Variants in OR8B2 observed in about 807,000 individuals in gnomAD.
OR8B2 encodes the protein olfactory receptor family 8 subfamily B member 2, also known as olfactory receptor 8B2.
For missense variants in OR8B2, 304 were observed against 379.6 expected, an observed-to-expected ratio of 0.80 and a Z score of 1.65; for synonymous variants, 98 against 138.2, an observed-to-expected ratio of 0.71 and a Z score of 2.04.
chr11:124,394,956 C>T, the OR8B2 span, among the ~76,000 whole-genome samples: 1 of 152,096 alleles, frequency 6.6e-6, no homozygotes, highest in African/African-American at 2.4e-5. Flanking sequence ...AATCCCAGCA[C>T]TTTGGGAGGA....
rs1860623566 is a variant in OR8B2 at position 124,382,929 on chromosome 11, G to C, written c.415C>G (p.Gln139Glu). The change falls in exon 2 of 2, where the codon CAG becomes GAG. Residue 139 changes from glutamine to glutamate, a missense_variant. By Grantham distance (29) the Gln-to-Glu change is conservative. Transcript: ENST00000641451. Reference sequence around the variant, plus strand: ...GCAAAAGTGAGCATAGAACAGACCTGATGGGACATGGTGACCTTATACAGC... The same window carrying C: ...GCAAAAGTGAGCATAGAACAGACCTCATGGGACATGGTGACCTTATACAGC... ...PLLYKVTMSH[Q>E]VCSMLTFAAY... 6.2e-7 allele frequency: 1 copy of C among 1,610,864 alleles called. No homozygotes were observed. The highest frequency in any genetic ancestry group is 1.7e-5 in the Admixed American group (1 of 59,468).
At chr11:124,389,617 A>G in the OR8B2 span, among the ~76,000 whole-genome samples, 1 of 152,212 alleles carries the variant, frequency 6.6e-6, no homozygotes, top group Non-Finnish European at 1.5e-5. Context: ...AGGTTTAATT[A>G]TAACTTCAGG....
the OR8B2 span, among the ~76,000 whole-genome samples, chr11:124,390,760 GT>G: frequency 0.68 from 101,295 of 148,556 alleles, 34,374 homozygotes; most frequent in Admixed American, 0.72. Context: ...AAGTTTATTT[GT>G]TTTTTTTTTT....
upstream of OR8B2, among the ~76,000 whole-genome samples, chr11:124,388,429 CT>C (rs1860733941): frequency 6.6e-6 from 1 of 152,094 alleles, no homozygotes; most frequent in South Asian, 2.1e-4. Context: ...ACATTAGTGA[CT>C]TTGGGCAAAG....
chr11:124,394,111 G>C, the OR8B2 span, among the ~76,000 whole-genome samples: 5 of 107,010 alleles, frequency 4.7e-5, no homozygotes, highest in South Asian at 4.0e-4. Flanking sequence ...GTTGTGGGGT[G>C]GGGGGAGGGG....
chr11:124,393,249 C>T, the OR8B2 span, among the ~76,000 whole-genome samples: 149 of 144,110 alleles, frequency 1.0e-3, 2 homozygotes, highest in Non-Finnish European at 1.7e-3. Flanking sequence ...GCAAGAAAAG[C>T]CAAAATTGAC....
upstream of OR8B2, among the ~76,000 whole-genome samples, chr11:124,386,748 T>C (rs957016252): frequency 7.9e-5 from 12 of 152,140 alleles, no homozygotes; most frequent in African/African-American, 1.7e-4. Context: ...AGCAGCATGA[T>C]TTATAGTCCT....
At chr11:124,397,104 A>G in the OR8B2 span, 17 of 1,613,780 alleles carry the variant, frequency 1.1e-5, no homozygotes, top group South Asian at 1.6e-4. Flanking sequence ...TACAAAGTTC[A>G]TTAGCATTTT....
the OR8B2 span, chr11:124,396,194 T>C: frequency 3.9e-6 from 2 of 518,886 alleles, no homozygotes; most frequent in Non-Finnish European, 6.7e-6. Flanking sequence ...CATATGTTCC[T>C]TTTACAAAGA....
chr11:124,391,441 C>T, the OR8B2 span, among the ~76,000 whole-genome samples: 6 of 152,018 alleles, frequency 3.9e-5, no homozygotes, highest in South Asian at 1.0e-3. Context: ...ATATCACCAC[C>T]AATCCCACAG....
rs1242525512 is a variant in OR8B2, at chr11:124,382,490, T to C, written c.854A>G (p.Asn285Ser). ...VFYTNVVPML[N>S]PLIYSLRNKD... ...GTTCCTCAAACTGTAGATGAGGGGA[T>C]TGAGCATGGGCACCACATTAGTGTA... Residue 285 changes from asparagine to serine, a missense_variant, in exon 2 of 2, where the codon AAT becomes AGT. Asn to Ser is a conservative substitution (Grantham distance 46). Coordinates refer to ENST00000641451, the MANE Select transcript of OR8B2 (RefSeq NM_001005468.2). 1.1e-5 allele frequency: 17 copies of C among 1,613,944 alleles called. No homozygotes were observed. Among genetic ancestry groups the C allele is most frequent in the Non-Finnish European group, 1.4e-5 (16 of 1,179,988 alleles).
At chr11:124,396,409 A>G in the OR8B2 span, 4 of 1,592,016 alleles carry the variant, frequency 2.5e-6, no homozygotes, top group Admixed American at 1.8e-5. Flanking sequence ...ACTGCTTCTA[A>G]TTAGAATATA....
chr11:124,384,231 A>T (rs1487392264), intron 1 of OR8B2, 143 bp downstream of exon 1: 3 of 152,210 alleles, frequency 2.0e-5, no homozygotes, highest in Non-Finnish European at 4.4e-5. Context: ...CTGAGAATGA[A>T]GCCAACAGAG....
At chr11:124,396,455 T>G in the OR8B2 span, 5 of 1,613,356 alleles carry the variant, frequency 3.1e-6, no homozygotes, top group African/African-American at 1.3e-5. Flanking sequence ...CTTTCCTCAG[T>G]GCAACTTTGA....
At chr11:124,397,134 T>A in the OR8B2 span, 109 of 1,612,122 alleles carry the variant, frequency 6.8e-5, 1 homozygote, top group African/African-American at 1.3e-3. Flanking sequence ...AACAGAGGAG[T>A]AACAGAGATC....
chr11:124,384,879 G>A (rs1212864827), upstream of OR8B2, among the ~76,000 whole-genome samples: 1 of 152,180 alleles, frequency 6.6e-6, no homozygotes, highest in Admixed American at 6.5e-5. Context: ...TAAACATAAA[G>A]ATTGTCAGAA....
chr11:124,388,597 T>C (rs1267362594), upstream of OR8B2, among the ~76,000 whole-genome samples: 3 of 152,082 alleles, frequency 2.0e-5, no homozygotes, highest in Non-Finnish European at 2.9e-5. Context: ...CTGCTCAGAG[T>C]TGATGATGCA....
chr11:124,386,935 T>C (rs181910999), upstream of OR8B2, among the ~76,000 whole-genome samples: 4,542 of 152,074 alleles, frequency 0.03, 2 homozygotes, highest in African/African-American at 0.1. Flanking sequence ...TCCTGACTTT[T>C]TAATGATTGC....
At chr11:124,392,798 A>G in the OR8B2 span, among the ~76,000 whole-genome samples, 2 of 150,754 alleles carry the variant, frequency 1.3e-5, no homozygotes, top group African/African-American at 5.0e-5. Flanking sequence ...AAGAGCCCGC[A>G]TCACCAAGTC....
Sources: allele counts gnomAD v4.1 joint callset (sites outside exome capture counted in the v4.1 genomes callset), GRCh38; gene constraint gnomAD v4.1.1; transcripts MANE v1.5; gene names NCBI Gene and HGNC (gene_info 2026-07-23, HGNC 2026-07-21).